The following MYT1 variants were observed in gnomAD, a reference collection of about 807,000 sequenced individuals.
The protein encoded by MYT1 is myelin transcription factor I.
A neutral mutation model predicts 123.0 loss-of-function variants in MYT1; 23 were observed. The observed-to-expected ratio is 0.19, with a 90% CI of 0.13 to 0.26. The LOEUF (loss-of-function observed/expected upper bound fraction) is 0.26, where lower values mean the gene tolerates loss of function less well. Ranked by LOEUF, MYT1 falls within the 10% of genes least tolerant of loss-of-function variation. The pLI is 1.00. For missense variants in MYT1, 1,125 were observed against 1,472.5 expected, an observed-to-expected ratio of 0.76 and a Z score of 3.86; for synonymous variants, 518 against 575.3, an observed-to-expected ratio of 0.90 and a Z score of 1.43.
intron 7 of MYT1, among the ~76,000 whole-genome samples, chr20:64,209,230 G>T (rs1037381620): frequency 6.6e-6 from 1 of 152,162 alleles, no homozygotes; most frequent in African/African-American, 2.4e-5. Flanking sequence ...TGTTACTGGG[G>T]TGTCAGGGTC....
rs111527066 is a variant in MYT1 at position 64,208,943 on chromosome 20, CCCTTG to C, written c.1291+458_1291+462del. 0.1 allele frequency among the ~76,000 whole-genome samples: 15,347 copies of C among 152,254 alleles called. 860 individuals carry two copies. The highest frequency in any genetic ancestry group is 0.13 in the South Asian group (642 of 4,820). On this transcript the variant is annotated intron_variant, in intron 7 of 22. Coordinates refer to ENST00000328439, the MANE Select transcript of MYT1 (RefSeq NM_004535.3). The surrounding 1 kb of genome is among the most constrained non-coding windows in gnomAD (Gnocchi z 5.4). The stretch of plus-strand genomic sequence containing the variant: ...GACCAGCAGGCAGATGTGAGGGGTG[CCCTTG>C]CTCCTCAGAGGGAGCAGCCTGCCGC...
chr20:64,165,039 G>A (rs763907976), intron 1 of MYT1, among the ~76,000 whole-genome samples: 3 of 152,050 alleles, frequency 2.0e-5, no homozygotes, highest in South Asian at 2.1e-4. Flanking sequence ...GAAGGGGAGC[G>A]CATATCAAAA....
intron 21 of MYT1, among the ~76,000 whole-genome samples, chr20:64,238,768 C>T (rs1471932222): frequency 2.6e-5 from 4 of 152,010 alleles, no homozygotes; most frequent in African/African-American, 9.7e-5. Flanking sequence ...GGGGTAGCAC[C>T]TCTGATTTCT....
intron 22 of MYT1, 151 bp downstream of exon 22, chr20:64,240,054 C>G: frequency 1.6e-6 from 2 of 1,286,744 alleles, no homozygotes; most frequent in Non-Finnish European, 2.1e-6. Flanking sequence ...CCCGAATGGC[C>G]CGGGCTGTTG....
chr20:64,234,880 G>A (rs1984457011), intron 19 of MYT1, among the ~76,000 whole-genome samples: 1 of 149,732 alleles, frequency 6.7e-6, no homozygotes, highest in Admixed American at 6.6e-5. Flanking sequence ...ACCCTGGGAT[G>A]GCCGTGGTGG....
intron 1 of MYT1, among the ~76,000 whole-genome samples, chr20:64,183,507 T>C (rs3003133): frequency 0.15 from 23,375 of 152,232 alleles, 2,412 homozygotes; most frequent in African/African-American, 0.28. Flanking sequence ...TGAGGGTTCT[T>C]GCCAACACTT....
chr20:64,186,641 C>T lies in MYT1; in HGVS notation c.-98-3422C>T, dbSNP rs1487885495. Among the ~76,000 whole-genome samples, 2 of 152,288 alleles carry T rather than the reference C, an allele frequency of 1.3e-5. No individual in the cohort carries two copies. The highest frequency in any genetic ancestry group is 4.8e-5 in the African/African-American group (2 of 41,480). ...CTGCTGCTCAGGTCTGAGTTGGTGG[C>T]AGTGCCCTGTGTGAGCTTTGGGGAC... On this transcript the variant is annotated intron_variant, in intron 1 of 22. Coordinates refer to ENST00000328439, the MANE Select transcript of MYT1 (RefSeq NM_004535.3). The surrounding 1 kb of genome is among the most constrained non-coding windows in gnomAD (Gnocchi z 4.3).
intron 16 of MYT1, 120 bp downstream of exon 16, chr20:64,223,479 T>C: frequency 8.9e-7 from 1 of 1,128,448 alleles, no homozygotes; most frequent in Non-Finnish European, 1.3e-6. Context: ...TGGCCCCAGC[T>C]CTCCTGAGAT....
intron 1 of MYT1, among the ~76,000 whole-genome samples, chr20:64,184,608 T>C (rs1026578684): frequency 6.6e-6 from 1 of 152,226 alleles, no homozygotes; most frequent in Admixed American, 6.5e-5. Context: ...TAGTCTATAT[T>C]CCTTGAATTG....
At chr20:64,181,446 C>G (rs1433837382) in intron 1 of MYT1, among the ~76,000 whole-genome samples, 3 of 152,162 alleles carry the variant, frequency 2.0e-5, no homozygotes, top group African/African-American at 7.2e-5. Flanking sequence ...GACTCTATCT[C>G]CCAAGTCTTC....
intron 13 of MYT1, among the ~76,000 whole-genome samples, chr20:64,220,666 CGT>C: frequency 6.6e-6 from 1 of 152,250 alleles, no homozygotes; most frequent in Non-Finnish European, 1.5e-5. Flanking sequence ...GCAGCAGCCG[CGT>C]GTGTGAGACT....
At position 64,213,110 on chromosome 20, in the gene MYT1, G is replaced by T. The variant is rs909015374; in HGVS notation, c.1518-424G>T. On this transcript the variant is annotated intron_variant, in intron 9 of 22. Transcript: ENST00000328439. This position sits in a 1 kb window ranked among gnomAD's most constrained non-coding sequence, Gnocchi z 5.6. Reference sequence around the variant, plus strand: ...TGTGGTCCAAGTGGGGCCCTGGGCTGCCCCAGAGCAGCTAACAGAACAAGC... The same window carrying T: ...TGTGGTCCAAGTGGGGCCCTGGGCTTCCCCAGAGCAGCTAACAGAACAAGC... Among the ~76,000 whole-genome samples, 3 of 152,114 alleles carry T rather than the reference G, an allele frequency of 2.0e-5. No homozygotes were observed. The highest frequency in any genetic ancestry group is 4.8e-5 in the African/African-American group (2 of 41,408).
intron 19 of MYT1, among the ~76,000 whole-genome samples, chr20:64,235,522 A>G (rs868368295): frequency 0.14 from 9,361 of 66,160 alleles, 1 homozygote; most frequent in African/African-American, 0.28. Context: ...TGGGCTGGCC[A>G]TGGTATGTGA....
At chr20:64,223,855 C>G (rs1422228754) in intron 16 of MYT1, among the ~76,000 whole-genome samples, 1 of 152,216 alleles carries the variant, frequency 6.6e-6, no homozygotes, top group Admixed American at 6.5e-5. Context: ...CCAGCTGCTT[C>G]TGCCTTGGCC....
intron 1 of MYT1, among the ~76,000 whole-genome samples, chr20:64,180,365 C>T (rs923177347): frequency 2.8e-4 from 43 of 152,332 alleles, no homozygotes; most frequent in African/African-American, 4.8e-5. Flanking sequence ...TCTGCCTTTC[C>T]GTAGGCATAA....
intron 21 of MYT1, among the ~76,000 whole-genome samples, chr20:64,239,081 C>T (rs144480468): frequency 6.6e-6 from 1 of 152,340 alleles, no homozygotes; most frequent in African/African-American, 2.4e-5. Flanking sequence ...GCCTCTGCCC[C>T]CGTGGCTCCC....
At chr20:64,204,619 C>T (rs553870195) in intron 4 of MYT1, among the ~76,000 whole-genome samples, 13 of 152,204 alleles carry the variant, frequency 8.5e-5, no homozygotes, top group Non-Finnish European at 1.5e-4. Context: ...CCTCGAGGGC[C>T]ATAGGCCTTA....
rs116572196 is a variant in MYT1, at chr20:64,196,034, G to C, written c.1-2828G>C. On this transcript the variant is annotated intron_variant, in intron 2 of 22. Transcript: ENST00000328439. The surrounding 1 kb of genome is among the most constrained non-coding windows in gnomAD (Gnocchi z 4.3). ...AACAGAGCAGACGTTCTTGAGAAAG[G>C]TTGCCGGCCCAGCAGTAAGAGTGGG... 1.3e-5 allele frequency among the ~76,000 whole-genome samples: 2 copies of C among 152,202 alleles called. No individual in the cohort carries two copies. The highest frequency in any genetic ancestry group is 2.9e-5 in the Non-Finnish European group (2 of 68,044).
chr20:64,172,938 A>G (rs1001384705), intron 1 of MYT1, among the ~76,000 whole-genome samples: 34 of 152,046 alleles, frequency 2.2e-4, no homozygotes, highest in African/African-American at 8.0e-4. Context: ...CATGTTGGTC[A>G]GGCTGGTCTT....
Sources: allele counts gnomAD v4.1 joint callset (sites outside exome capture counted in the v4.1 genomes callset), GRCh38; gene constraint gnomAD v4.1.1; non-coding constraint Gnocchi (gnomAD v3.1); transcripts MANE v1.5; gene names NCBI Gene and HGNC (gene_info 2026-07-23, HGNC 2026-07-21).